Variants in NCOA3 observed in about 807,000 individuals in gnomAD.
NCOA3 encodes the protein nuclear receptor coactivator 3.
Under a neutral mutation model 158.8 loss-of-function variants are expected in NCOA3, and 51 were observed. The observed-to-expected ratio is 0.32, with a 90% confidence interval of 0.26 to 0.41. The LOEUF is 0.41. Ranked by LOEUF, NCOA3 falls within the 10% of genes least tolerant of loss-of-function variation. The pLI is 1.00. For missense variants in NCOA3, 1,510 were observed against 1,746.6 expected, an observed-to-expected ratio of 0.86 and a Z score of 2.41; for synonymous variants, 537 against 592.4, an observed-to-expected ratio of 0.91 and a Z score of 1.36.
intron 1 of NCOA3, among the ~76,000 whole-genome samples, chr20:47,516,525 ATGG>A (rs1339994989): frequency 3.3e-5 from 5 of 152,170 alleles, no homozygotes; most frequent in African/African-American, 4.8e-5. Flanking sequence ...AATTAGAAAG[ATGG>A]TGGTTGAAAT....
At chr20:47,560,966 TTC>T (rs1201840630) in intron 1 of NCOA3, among the ~76,000 whole-genome samples, 3 of 120,586 alleles carry the variant, frequency 2.5e-5, no homozygotes, top group Non-Finnish European at 5.4e-5. Flanking sequence ...TTATCCCTCA[TTC>T]TTTTTTTTTT....
intron 1 of NCOA3, among the ~76,000 whole-genome samples, chr20:47,549,041 CAT>C (rs2084885434): frequency 6.6e-6 from 1 of 152,022 alleles, no homozygotes; most frequent in South Asian, 2.1e-4. Flanking sequence ...GTATTTAAAA[CAT>C]TTTTTAAATT....
intron 2 of NCOA3, among the ~76,000 whole-genome samples, chr20:47,601,994 A>G (rs1030506188): frequency 6.6e-6 from 1 of 152,234 alleles, no homozygotes; most frequent in East Asian, 1.9e-4. Context: ...CTTTAAATAT[A>G]TTTTCCATCA....
intron 1 of NCOA3, among the ~76,000 whole-genome samples, chr20:47,517,946 G>A (rs2084262183): frequency 6.6e-6 from 1 of 152,032 alleles, no homozygotes; most frequent in African/African-American, 2.4e-5. Flanking sequence ...GATTTTCCTG[G>A]GACAACTCTG....
chr20:47,545,005 TA>T (rs1415352168), intron 1 of NCOA3, among the ~76,000 whole-genome samples: 8 of 152,152 alleles, frequency 5.3e-5, no homozygotes, highest in Admixed American at 2.6e-4. Flanking sequence ...CTTTAATAGT[TA>T]AAAGCTGGCT....
intron 1 of NCOA3, among the ~76,000 whole-genome samples, chr20:47,553,904 G>GT (rs776357514): frequency 1.1e-4 from 17 of 152,062 alleles, no homozygotes; most frequent in Non-Finnish European, 2.2e-4. Flanking sequence ...AATCCTTTGG[G>GT]TATATGCCCA....
At chr20:47,525,960 C>T (rs1168672989) in intron 1 of NCOA3, among the ~76,000 whole-genome samples, 6 of 151,480 alleles carry the variant, frequency 4.0e-5, no homozygotes, top group African/African-American at 1.2e-4. Context: ...ACCTCCCTCC[C>T]GGACAAGGTG....
chr20:47,535,280 A>C (rs1235309202), intron 1 of NCOA3, among the ~76,000 whole-genome samples: 1 of 151,956 alleles, frequency 6.6e-6, no homozygotes, highest in African/African-American at 2.4e-5. Flanking sequence ...TTGGGCTTTG[A>C]CTCCATAGCA....
rs536382805 is a variant in NCOA3 at position 47,632,788 on chromosome 20, T to C, written c.824-708T>C. ...ACCTCCGCCTGCCAGGTTCCAGCGA[T>C]TCTCCTGCCTCACCCTCCCGAGTAG... On this transcript the variant is annotated intron_variant, in intron 8 of 22. Coordinates refer to ENST00000371998, the MANE Select transcript of NCOA3 (RefSeq NM_181659.3). Among the ~76,000 whole-genome samples, 6 of 151,918 alleles carry C rather than the reference T, an allele frequency of 3.9e-5. No homozygotes were observed. In the East Asian group the frequency reaches 1.2e-3, roughly 29 times the overall value.
At position 47,656,155 on chromosome 20, in the gene NCOA3, GATAT is replaced by G. The variant is rs994377125; in HGVS notation, c.*2742_*2745del. Reference sequence around the variant, plus strand: ...TTTTTTTTTTTTTGCTGAATCCAAAGATATATAAATAAAATATATATATTTTATA... The same window carrying G: ...TTTTTTTTTTTTTGCTGAATCCAAAGATAAATAAAATATATATATTTTATA... On this transcript the variant is annotated 3_prime_UTR_variant, in exon 23 of 23. Coordinates refer to ENST00000371998, the MANE Select transcript of NCOA3 (RefSeq NM_181659.3). The G allele has an allele frequency of 7.2e-6, 1 of 139,364 alleles. No homozygotes were observed. Among genetic ancestry groups the G allele is most frequent in the Non-Finnish European group, 1.5e-5 (1 of 65,082 alleles). 8.6% of individuals were successfully genotyped at this position (139,364 alleles called of 1,614,324 possible). A position where few individuals can be genotyped will look rare whatever the true frequency, so the allele number is the denominator to read the frequency against.
In NCOA3 at chr20:47,636,255, G is replaced by C. The variant is rs2086513725; in HGVS notation, c.1869G>C (p.Gln623His). The C allele has an allele frequency of 6.2e-7, 1 of 1,614,182 alleles. No homozygotes were observed. The highest frequency in any genetic ancestry group is 2.2e-5 in the East Asian group (1 of 44,894). Residue 623 changes from glutamine (Q) to histidine (H), a missense_variant, in exon 12 of 23, where the codon CAG becomes CAC. Coordinates refer to ENST00000371998, the MANE Select transcript of NCOA3 (RefSeq NM_181659.3). ...GCAAAGGTCATAAAAAATTACTGCA[G>C]TTACTTACCTGTTCTTCTGATGACC... The part of the protein sequence containing the change: ...LESKGHKKLL[Q>H]LLTCSSDDRG...
chr20:47,517,263 T>TAA (rs2084249061), intron 1 of NCOA3, among the ~76,000 whole-genome samples: 1 of 151,996 alleles, frequency 6.6e-6, no homozygotes, highest in African/African-American at 2.4e-5. Flanking sequence ...AACGAAACAG[T>TAA]ACAGAGTAAA....
rs377551196 is a variant in NCOA3, at chr20:47,547,486, T to C, written c.-98-35697T>C. Among the ~76,000 whole-genome samples the C allele has an allele frequency of 2.1e-3, 325 of 151,804 alleles. 6 individuals carry two copies. The South Asian group carries it at 0.038, about 18-fold the overall frequency. On this transcript the variant is annotated intron_variant, in intron 1 of 22. Transcript: ENST00000371998. Reference sequence around the variant, plus strand: ...AGAGTGCAGTGGTGCGATCTCGGCTTACTGCAAGCTCCACCTCCCGGGTTC... The same window carrying C: ...AGAGTGCAGTGGTGCGATCTCGGCTCACTGCAAGCTCCACCTCCCGGGTTC...
intron 16 of NCOA3, among the ~76,000 whole-genome samples, chr20:47,641,327 T>TC (rs1459420080): frequency 7.1e-6 from 1 of 141,274 alleles, no homozygotes; most frequent in East Asian, 2.0e-4. Context: ...AACATTTCTT[T>TC]TTTTTTTTTT....
At chr20:47,527,408 C>G (rs1602349783) in intron 1 of NCOA3, among the ~76,000 whole-genome samples, 1 of 151,870 alleles carries the variant, frequency 6.6e-6, no homozygotes, top group Non-Finnish European at 1.5e-5. Context: ...GTTGTTGTGT[C>G]ATACTTCTTT....
At chr20:47,619,545 T>C (rs1245885144) in intron 2 of NCOA3, among the ~76,000 whole-genome samples, 1 of 151,222 alleles carries the variant, frequency 6.6e-6, no homozygotes, top group East Asian at 2.0e-4. Context: ...CTTGGGATAC[T>C]GAGGCAGGAG....
chr20:47,650,259 C>CTTTTTTTT (rs555753870), intron 19 of NCOA3, among the ~76,000 whole-genome samples: 1 of 131,120 alleles, frequency 7.6e-6, no homozygotes, highest in Non-Finnish European at 1.6e-5. Flanking sequence ...AGCCAGAAAG[C>CTTTTTTTT]TTTTTTTTTT....
At chr20:47,582,142 A>AT (rs2085463586) in intron 1 of NCOA3, among the ~76,000 whole-genome samples, 1 of 152,154 alleles carries the variant, frequency 6.6e-6, no homozygotes, top group Non-Finnish European at 1.5e-5. Flanking sequence ...TGCATTATCC[A>AT]TTTTTACAAA....
chr20:47,609,111 A>T (rs1292330497), intron 2 of NCOA3, among the ~76,000 whole-genome samples: 1 of 152,202 alleles, frequency 6.6e-6, no homozygotes, highest in East Asian at 1.9e-4. Context: ...ATTTTAAATA[A>T]AGACGTTTTG....
Sources: gnomAD v4.1 joint callset for allele counts (sites outside exome capture counted in the v4.1 genomes callset) on GRCh38, gnomAD v4.1.1 for gene constraint, MANE v1.5 for transcripts, NCBI Gene and HGNC (gene_info 2026-07-23, HGNC 2026-07-21) for gene names.